Variants in AR observed in about 807,000 individuals in gnomAD.
AR encodes dihydrotestosterone receptor.
In AR, 8 loss-of-function variants were observed where a neutral mutation model predicts 53.9. The observed-to-expected ratio is 0.15, with a 90% confidence interval of 0.09 to 0.27. AR has a LOEUF of 0.27. AR is among the 10% of genes least tolerant of loss of function. AR has a pLI of 1.00. For missense variants in AR, 639 were observed against 742.5 expected (o/e 0.86, Z 1.62); for synonymous variants, 359 against 316.4 (o/e 1.13, Z -1.43).
intron 2 of AR, among the ~76,000 whole-genome samples, chrX:67,645,044 C>T (rs917853417): frequency 1.8e-5 from 2 of 110,966 alleles, no homozygotes; most frequent in Non-Finnish European, 3.8e-5. Context: ...TCTCACCTAG[C>T]GGGCCCTGTC....
chrX:67,601,748 A>G (rs1799140781), intron 1 of AR, among the ~76,000 whole-genome samples: 1 of 112,243 alleles, frequency 8.9e-6, no homozygotes, highest in African/African-American at 3.2e-5. Flanking sequence ...TATAAGGTTC[A>G]CCTTTTACCC....
intron 1 of AR, among the ~76,000 whole-genome samples, chrX:67,642,640 T>C (rs1345072103): frequency 9.0e-6 from 1 of 111,235 alleles, no homozygotes; most frequent in South Asian, 3.8e-4. Flanking sequence ...CTAAGGAAAG[T>C]GAAGAAATGA....
At chrX:67,645,680 A>T (rs1926021386) in intron 2 of AR, among the ~76,000 whole-genome samples, 1 of 110,889 alleles carries the variant, frequency 9.0e-6, no homozygotes. Flanking sequence ...TATGGACCAT[A>T]GATTTCAGTC....
Position 67,630,492 on chromosome X carries a change from G to A in AR, c.1617-12764G>A, listed in dbSNP as rs182399569. Among the ~76,000 whole-genome samples, 133 of 110,389 alleles carry A rather than the reference G, an allele frequency of 1.2e-3. 1 individual carries two copies. Among genetic ancestry groups the A allele is most frequent in the African/African-American group, 4.3e-3 (129 of 30,333 alleles). ...CTTTTTTTTGTTTTCCATTTGCTTGGTAGATCTTCCTCCATCCTTTTATTT... is the reference window on the plus strand; with the variant it reads ...CTTTTTTTTGTTTTCCATTTGCTTGATAGATCTTCCTCCATCCTTTTATTT... On this transcript the variant is annotated intron_variant, in intron 1 of 7. Coordinates refer to ENST00000374690, the MANE Select transcript of AR (RefSeq NM_000044.6).
chrX:67,709,295 G>A (rs1334725745), intron 3 of AR, among the ~76,000 whole-genome samples: 4 of 112,150 alleles, frequency 3.6e-5, no homozygotes, highest in Non-Finnish European at 5.6e-5. Flanking sequence ...CACCCAGTTC[G>A]AGCTTCCCAG....
At chrX:67,589,248 C>T (rs1211143965) in intron 1 of AR, among the ~76,000 whole-genome samples, 2 of 100,864 alleles carry the variant, frequency 2.0e-5, no homozygotes, top group Non-Finnish European at 4.0e-5. Context: ...CCGGCCTGGG[C>T]GACAGAGCGA....
In AR at chrX:67,695,729, G is replaced by C. The variant is rs191854382; in HGVS notation, c.1885+9603G>C. On this transcript the variant is annotated intron_variant, in intron 3 of 7. Coordinates refer to ENST00000374690, the MANE Select transcript of AR (RefSeq NM_000044.6). ...GGGCCTGTCTTTCCCACCTTCTCCAGTCTGTCTAAACACACACACACACAC... is the reference window on the plus strand; with the variant it reads ...GGGCCTGTCTTTCCCACCTTCTCCACTCTGTCTAAACACACACACACACAC... 96 of 735,211 alleles carry C rather than the reference G, an allele frequency of 1.3e-4. No homozygotes were observed. The East Asian group carries it at 0.015, about 113-fold the overall frequency. 60.6% of individuals were successfully genotyped at this position (735,211 alleles called of 1,213,427 possible). A position where few individuals can be genotyped will look rare whatever the true frequency, so the allele number is the denominator to read the frequency against.
rs757440238 is a variant in AR, at chrX:67,730,272, C to T, written c.*6431C>T. ...CTCTTTAGATGGGGCTCATTTCTCA[C>T]GGTGGCACTTGGCCTCCACTGGGCA... On this transcript the variant is annotated 3_prime_UTR_variant, in exon 8 of 8. Transcript: ENST00000374690. The T allele has an allele frequency of 5.7e-5, 10 of 174,074 alleles. No homozygotes were observed. Among genetic ancestry groups the T allele is most frequent in the Non-Finnish European group, 7.7e-5 (7 of 91,410 alleles). The allele number at this position is 174,074 out of a possible 1,213,427, so 14.3% of individuals were successfully genotyped here.
At chrX:67,715,956 T>A (rs745531968) in intron 4 of AR, among the ~76,000 whole-genome samples, 22 of 112,058 alleles carry the variant, frequency 2.0e-4, no homozygotes, top group African/African-American at 7.1e-4. Flanking sequence ...TTTCAAAAAC[T>A]CCAGGAGAAC....
Position 67,544,647 on chromosome X carries a change from C to T in AR, c.-500C>T, listed in dbSNP as rs1295322763. On this transcript the variant is annotated 5_prime_UTR_variant, in exon 1 of 8. Coordinates refer to ENST00000374690, the MANE Select transcript of AR (RefSeq NM_000044.6). ...CGCGGAGAGAACCCTCTGTTTTCCC[C>T]CACTCTCTCTCCACCTCCTCCTGCC... The T allele has an allele frequency of 5.9e-6, 1 of 169,171 alleles. No individual in the cohort carries two copies. The highest frequency in any genetic ancestry group is 8.3e-5 in the East Asian group (1 of 11,982). The allele number at this position is 169,171 out of a possible 1,213,427, so 13.9% of individuals were successfully genotyped here. A position where few individuals can be genotyped will look rare whatever the true frequency, so the allele number is the denominator to read the frequency against.
At position 67,544,801 on chromosome X, in the gene AR, A is replaced by T. The variant is rs1780411489; in HGVS notation, c.-346A>T. ...AGAAAAAGATAATAACTCAGTTCTT[A>T]TTTGCACCTACTTCAGTGGACACTG... On this transcript the variant is annotated 5_prime_UTR_variant, in exon 1 of 8. Coordinates refer to ENST00000374690, the MANE Select transcript of AR (RefSeq NM_000044.6). The T allele has an allele frequency of 4.8e-6, 1 of 210,087 alleles. No homozygotes were observed. The highest frequency in any genetic ancestry group is 2.5e-4 in the South Asian group (1 of 4,070). 17.3% of individuals were successfully genotyped at this position (210,087 alleles called of 1,213,427 possible). A position where few individuals can be genotyped will look rare whatever the true frequency, so the allele number is the denominator to read the frequency against.
intron 1 of AR, among the ~76,000 whole-genome samples, chrX:67,629,891 A>G (rs1355080695): frequency 2.7e-5 from 3 of 110,988 alleles, no homozygotes; most frequent in African/African-American, 6.6e-5. Flanking sequence ...TCATTTCGTT[A>G]TGTACCCAGT....
chrX:67,559,189 C>T (rs766667787), intron 1 of AR, among the ~76,000 whole-genome samples: 34 of 111,814 alleles, frequency 3.0e-4, no homozygotes, highest in Non-Finnish European at 5.5e-4. Context: ...GTAGCAGAAC[C>T]GGAACTTGAA....
chrX:67,649,645 C>T (rs1926238365), intron 2 of AR, among the ~76,000 whole-genome samples: 1 of 112,256 alleles, frequency 8.9e-6, no homozygotes, highest in African/African-American at 3.2e-5. Flanking sequence ...AGCTTTTTTT[C>T]ATATGTTTGT....
At chrX:67,677,681 G>A (rs938780463) in intron 2 of AR, among the ~76,000 whole-genome samples, 1 of 111,484 alleles carries the variant, frequency 9.0e-6, no homozygotes, top group African/African-American at 3.3e-5. Flanking sequence ...CAAATGTGCA[G>A]AAAATACTGA....
intron 2 of AR, among the ~76,000 whole-genome samples, chrX:67,677,130 G>T (rs1023996867): frequency 9.0e-6 from 1 of 110,640 alleles, no homozygotes; most frequent in Non-Finnish European, 1.9e-5. Flanking sequence ...GGCGAACCAG[G>T]ATTCCAAACA....
At chrX:67,683,727 G>A (rs1337656276) in intron 2 of AR, among the ~76,000 whole-genome samples, 1 of 112,294 alleles carries the variant, frequency 8.9e-6, no homozygotes, top group East Asian at 2.8e-4. Context: ...AAATTAATAT[G>A]TCATGGCTTT....
intron 2 of AR, among the ~76,000 whole-genome samples, chrX:67,670,918 C>A (rs946627348): frequency 2.7e-5 from 3 of 111,304 alleles, no homozygotes; most frequent in Non-Finnish European, 3.8e-5. Flanking sequence ...CATGTCCCTG[C>A]AAAGGACATG....
At chrX:67,604,177 G>A (rs778695967) in intron 1 of AR, among the ~76,000 whole-genome samples, 2 of 103,947 alleles carry the variant, frequency 1.9e-5, no homozygotes, top group South Asian at 4.7e-4. Context: ...TTTAACAGAA[G>A]GTCAGAAGCT....
Sources: allele counts gnomAD v4.1 joint callset (sites outside exome capture counted in the v4.1 genomes callset), GRCh38; gene constraint gnomAD v4.1.1; transcripts MANE v1.5; gene names NCBI Gene and HGNC (gene_info 2026-07-23, HGNC 2026-07-21).